The following ZNRF1 variants were observed in gnomAD, a reference collection of about 807,000 sequenced individuals.
The protein encoded by ZNRF1 is E3 ubiquitin-protein ligase ZNRF1.
A neutral mutation model predicts 18.4 loss-of-function variants in ZNRF1; 3 were observed. The observed-to-expected ratio is 0.16, with a 90% CI of 0.07 to 0.42. The LOEUF is 0.42. Ranked by LOEUF, ZNRF1 falls within the 10% of genes least tolerant of loss-of-function variation. The pLI, the probability that ZNRF1 is intolerant of heterozygous loss-of-function variation, is 0.99. For missense variants in ZNRF1, 310 were observed against 329.8 expected (o/e 0.94, Z 0.47); for synonymous variants, 157 against 144.2 (o/e 1.09, Z -0.64).
At chr16:75,048,062 C>T (rs183217268) in intron 1 of ZNRF1, among the ~76,000 whole-genome samples, 2 of 152,132 alleles carry the variant, frequency 1.3e-5, no homozygotes, top group East Asian at 1.9e-4. Flanking sequence ...AGGGGATCCT[C>T]CTGCCTCAGC....
rs1296825793 is a variant in ZNRF1, at chr16:75,108,805, C to G, written c.*1105C>G. The G allele has an allele frequency of 2.8e-6, 1 of 362,422 alleles. No individual in the cohort carries two copies. The highest frequency in any genetic ancestry group is 4.9e-6 in the Non-Finnish European group (1 of 205,226). The allele number at this position is 362,422 out of a possible 1,614,324, so 22.5% of individuals were successfully genotyped here. ...CTCCCTCACCTACCTCCTTAGCATT[C>G]CTTCAGGCTGCTACTCGGGGCTCCA... On this transcript the variant is annotated 3_prime_UTR_variant, in exon 5 of 5. Coordinates refer to ENST00000335325, the MANE Select transcript of ZNRF1 (RefSeq NM_032268.5).
chr16:75,093,366 C>T (rs920878276), intron 1 of ZNRF1, among the ~76,000 whole-genome samples: 1 of 142,806 alleles, frequency 7.0e-6, no homozygotes, highest in Middle Eastern at 3.8e-3. Context: ...GCCTGGGCGA[C>T]AGAGTGAGAC....
intron 1 of ZNRF1, among the ~76,000 whole-genome samples, chr16:75,050,878 A>C (rs913519398): frequency 3.7e-5 from 4 of 109,524 alleles, no homozygotes; most frequent in African/African-American, 1.5e-4. Context: ...CTCAAAAAAA[A>C]AAAAAAAAAA....
intron 4 of ZNRF1, 24 bp downstream of exon 4, chr16:75,106,595 C>T (rs1278145876): frequency 1.1e-5 from 17 of 1,607,210 alleles, no homozygotes; most frequent in Non-Finnish European, 1.4e-5. Flanking sequence ...TGGGGGTGCT[C>T]CGGGCTCAAG....
intron 1 of ZNRF1, among the ~76,000 whole-genome samples, chr16:75,034,106 G>A (rs1277720853): frequency 6.6e-6 from 1 of 152,144 alleles, no homozygotes. Context: ...TGCAGTGAGC[G>A]GAGATTGTGC....
intron 1 of ZNRF1, among the ~76,000 whole-genome samples, chr16:75,033,411 T>G (rs1269685327): frequency 6.6e-6 from 1 of 151,356 alleles, no homozygotes; most frequent in African/African-American, 2.4e-5. Flanking sequence ...TAAGTGCTAT[T>G]TAATTTTTCT....
At chr16:75,035,562 T>C (rs1391228567) in intron 1 of ZNRF1, among the ~76,000 whole-genome samples, 1 of 151,952 alleles carries the variant, frequency 6.6e-6, no homozygotes, top group South Asian at 2.1e-4. Context: ...GGAGTGAAAG[T>C]TTATTAAAAA....
chr16:75,079,989 C>T (rs967359193), intron 1 of ZNRF1, among the ~76,000 whole-genome samples: 3 of 152,252 alleles, frequency 2.0e-5, no homozygotes, highest in Admixed American at 1.3e-4. Context: ...GAGCTTGGCT[C>T]GCTGCAACCT....
At chr16:75,064,031 C>G (rs2035772978) in intron 1 of ZNRF1, among the ~76,000 whole-genome samples, 1 of 152,198 alleles carries the variant, frequency 6.6e-6, no homozygotes, top group Non-Finnish European at 1.5e-5. Flanking sequence ...GGTGCAGTGG[C>G]TCACGCCTGT....
chr16:75,066,440 T>C (rs1164663808), intron 1 of ZNRF1, among the ~76,000 whole-genome samples: 5 of 152,196 alleles, frequency 3.3e-5, no homozygotes, highest in Non-Finnish European at 5.9e-5. Context: ...CAATAAAATA[T>C]TGATGAAGGG....
Position 75,050,888 on chromosome 16 carries a change from ACAAAAAAAAAC to A in ZNRF1, c.425-42683_425-42673del, listed in dbSNP as rs1403633953. On this transcript the variant is annotated intron_variant, in intron 1 of 4. Transcript: ENST00000335325. ...TCCGTCTCAAAAAAAAAAAAAAAAAACAAAAAAAAACAAAAAACTTGTAGCCAGGTACAGTG... is the reference window on the plus strand; with the variant it reads ...TCCGTCTCAAAAAAAAAAAAAAAAAAAAAAAACTTGTAGCCAGGTACAGTG... Among the ~76,000 whole-genome samples, 99 of 99,362 alleles carry A rather than the reference ACAAAAAAAAAC, an allele frequency of 1.0e-3. 17 individuals carry two copies. The highest frequency in any genetic ancestry group is 2.9e-3 in the African/African-American group (82 of 27,964). The allele number at this position is 99,362 out of a possible 152,430, so 65.2% of individuals were successfully genotyped here. A position where few individuals can be genotyped will look rare whatever the true frequency, so the allele number is the denominator to read the frequency against.
chr16:75,087,600 G>T (rs183223315), intron 1 of ZNRF1, among the ~76,000 whole-genome samples: 13 of 152,304 alleles, frequency 8.5e-5, no homozygotes, highest in Non-Finnish European at 1.9e-4. Flanking sequence ...TCCTGTAGGC[G>T]CATTTGCTTG....
intron 2 of ZNRF1, chr16:75,095,723 C>T (rs551858837): frequency 1.9e-6 from 3 of 1,543,764 alleles, no homozygotes; most frequent in Admixed American, 3.9e-5. Flanking sequence ...GCAGAGTTAC[C>T]CCCACTGCCC....
At chr16:75,068,756 C>T (rs977741470) in intron 1 of ZNRF1, among the ~76,000 whole-genome samples, 1 of 152,076 alleles carries the variant, frequency 6.6e-6, no homozygotes, top group Non-Finnish European at 1.5e-5. Context: ...AGGTCCACCA[C>T]CTCTAAGGCA....
At chr16:75,070,537 A>T (rs2035858320) in intron 1 of ZNRF1, among the ~76,000 whole-genome samples, 1 of 152,180 alleles carries the variant, frequency 6.6e-6, no homozygotes, top group Admixed American at 6.6e-5. Flanking sequence ...TTTAAAAGGA[A>T]ACCTATTTAT....
chr16:75,052,166 A>G (rs1013005963), intron 1 of ZNRF1, among the ~76,000 whole-genome samples: 2 of 152,194 alleles, frequency 1.3e-5, no homozygotes, highest in African/African-American at 4.8e-5. Flanking sequence ...TGGGAGGCCA[A>G]GGCTGGAGGA....
chr16:75,092,052 A>G (rs1308600361), intron 1 of ZNRF1, among the ~76,000 whole-genome samples: 1 of 152,136 alleles, frequency 6.6e-6, no homozygotes, highest in Non-Finnish European at 1.5e-5. Flanking sequence ...TAATCCTAGC[A>G]CTTTGGGAGG....
At chr16:75,078,241 C>G (rs2035966328) in intron 1 of ZNRF1, among the ~76,000 whole-genome samples, 1 of 151,294 alleles carries the variant, frequency 6.6e-6, no homozygotes, top group Admixed American at 6.6e-5. Context: ...CTCTGTTTTT[C>G]CATTATATCT....
chr16:75,000,104 G>A lies in ZNRF1; in HGVS notation c.424+9G>A. 1.3e-6 allele frequency: 2 copies of A among 1,595,712 alleles called. No homozygotes were observed. The highest frequency in any genetic ancestry group is 1.1e-5 in the South Asian group (1 of 87,776). On this transcript the variant is annotated intron_variant, in intron 1 of 4. Coordinates refer to ENST00000335325, the MANE Select transcript of ZNRF1 (RefSeq NM_032268.5). ...GTTCAGCTCGCATAGTGGTGAGTCC[G>A]CGGGTGGTGGAGGCCTCGGAGGGAG...
Sources: allele counts gnomAD v4.1 joint callset (sites outside exome capture counted in the v4.1 genomes callset), GRCh38; gene constraint gnomAD v4.1.1; transcripts MANE v1.5; gene names NCBI Gene and HGNC (gene_info 2026-07-23, HGNC 2026-07-21).